Variants in KCNK2 observed in about 807,000 individuals in gnomAD.
KCNK2 encodes the protein potassium channel subfamily K member 2.
In KCNK2, 21 loss-of-function variants were observed where a neutral mutation model predicts 40.5. That is an observed-to-expected ratio of 0.52 (90% CI 0.37 to 0.75). KCNK2 has a LOEUF of 0.75. KCNK2 is among the 30% of genes least tolerant of loss of function. The pLI is 0.00. For synonymous variants in KCNK2, 191 were observed against 202.2 expected, an observed-to-expected ratio of 0.94 and a Z score of 0.47; for missense variants, 399 against 531.6, an observed-to-expected ratio of 0.75 and a Z score of 2.45.
chr1:215,060,106 G>A (rs74140900), intron 1 of KCNK2, among the ~76,000 whole-genome samples: 244 of 152,328 alleles, frequency 1.6e-3, no homozygotes, highest in African/African-American at 5.7e-3. Flanking sequence ...CTCAGGTACT[G>A]AGGTGAGAGC....
chr1:215,170,374 G>C (rs770610768), intron 4 of KCNK2, among the ~76,000 whole-genome samples: 2 of 152,110 alleles, frequency 1.3e-5, no homozygotes, highest in Non-Finnish European at 2.9e-5. Context: ...AGAATACTAT[G>C]ATGATAAACT....
chr1:215,037,605 AT>A (rs1368422158), intron 1 of KCNK2, among the ~76,000 whole-genome samples: 1 of 151,976 alleles, frequency 6.6e-6, no homozygotes, highest in East Asian at 1.9e-4. Context: ...TGTGTATATT[AT>A]TTCTTACTAA....
At chr1:215,173,474 G>T (rs1212284068) in intron 5 of KCNK2, among the ~76,000 whole-genome samples, 1 of 152,026 alleles carries the variant, frequency 6.6e-6, no homozygotes, top group Non-Finnish European at 1.5e-5. Context: ...TAATCCTTTG[G>T]GTATATACCC....
chr1:215,229,692 G>T (rs1168452933), intron 6 of KCNK2, among the ~76,000 whole-genome samples: 1 of 151,754 alleles, frequency 6.6e-6, no homozygotes, highest in Admixed American at 6.6e-5. Context: ...GAAAAAAAAA[G>T]ATTTTGTTTT....
intron 1 of KCNK2, among the ~76,000 whole-genome samples, chr1:215,041,393 G>A (rs1324423693): frequency 6.6e-6 from 1 of 152,142 alleles, no homozygotes; most frequent in Non-Finnish European, 1.5e-5. Flanking sequence ...GCTGGTGAGA[G>A]GAGCTCAAAA....
intron 1 of KCNK2, among the ~76,000 whole-genome samples, chr1:215,085,049 G>A (rs540782773): frequency 6.6e-6 from 1 of 152,334 alleles, no homozygotes; most frequent in African/African-American, 2.4e-5. Flanking sequence ...AGAGGGCAGG[G>A]TAGGTAGCCA....
intron 1 of KCNK2, among the ~76,000 whole-genome samples, chr1:215,015,047 A>G (rs1000265389): frequency 1.3e-5 from 2 of 152,186 alleles, no homozygotes; most frequent in African/African-American, 2.4e-5. Context: ...AGCATATCAT[A>G]ATGGTTATGA....
At chr1:215,207,488 A>T (rs994972857) in intron 6 of KCNK2, among the ~76,000 whole-genome samples, 1 of 152,170 alleles carries the variant, frequency 6.6e-6, no homozygotes, top group African/African-American at 2.4e-5. Flanking sequence ...TAAATGATTA[A>T]CTGTGACACT....
chr1:215,103,973 A>G (rs1660328217), intron 2 of KCNK2, among the ~76,000 whole-genome samples: 1 of 152,066 alleles, frequency 6.6e-6, no homozygotes, highest in Non-Finnish European at 1.5e-5. Context: ...CTAATCTTAT[A>G]TATAGGCCAA....
chr1:215,143,111 T>G (rs770577006), intron 3 of KCNK2, among the ~76,000 whole-genome samples: 9 of 152,206 alleles, frequency 5.9e-5, no homozygotes, highest in Non-Finnish European at 1.2e-4. Flanking sequence ...GCTTTCATAT[T>G]TCTTCTCTGC....
At chr1:215,078,020 G>T (rs1034911513), upstream of KCNK2, among the ~76,000 whole-genome samples, 3 of 152,106 alleles carry the variant, frequency 2.0e-5, no homozygotes, top group Non-Finnish European at 2.9e-5. Context: ...TCATTGCAAG[G>T]GTGTCCAGCC....
At chr1:215,024,911 C>T (rs560075964) in intron 1 of KCNK2, among the ~76,000 whole-genome samples, 3 of 147,854 alleles carry the variant, frequency 2.0e-5, no homozygotes, top group Non-Finnish European at 3.0e-5. Flanking sequence ...AAATATATGT[C>T]TATAAAACAT....
chr1:215,197,754 C>G (rs996820417), intron 6 of KCNK2, among the ~76,000 whole-genome samples: 10 of 152,142 alleles, frequency 6.6e-5, no homozygotes, highest in African/African-American at 2.4e-4. Flanking sequence ...AATCCCAGCA[C>G]TTTGGGAGGC....
chr1:215,011,295 G>C (rs1257592048), intron 1 of KCNK2, among the ~76,000 whole-genome samples: 1 of 152,024 alleles, frequency 6.6e-6, no homozygotes, highest in Admixed American at 6.6e-5. Context: ...TTTTGAGTCT[G>C]ATTTCTTTTT....
intron 1 of KCNK2, among the ~76,000 whole-genome samples, chr1:215,013,453 T>C (rs780089753): frequency 2.0e-5 from 3 of 152,208 alleles, no homozygotes; most frequent in Non-Finnish European, 2.9e-5. Context: ...TAGAATCAGC[T>C]TGACAGTATT....
intron 5 of KCNK2, among the ~76,000 whole-genome samples, 195 bp from the exon 6 acceptor site, chr1:215,194,758 T>C (rs1426226098): frequency 6.6e-6 from 1 of 152,102 alleles, no homozygotes; most frequent in East Asian, 1.9e-4. Flanking sequence ...AAAAACAACT[T>C]GTTCTTGAAA....
At chr1:215,021,247 G>T (rs182552188) in intron 1 of KCNK2, among the ~76,000 whole-genome samples, 9 of 152,214 alleles carry the variant, frequency 5.9e-5, no homozygotes, top group African/African-American at 2.2e-4. Flanking sequence ...TATATTTCAA[G>T]TTCCCTATTT....
At chr1:215,058,501 T>C (rs1186790971) in intron 1 of KCNK2, among the ~76,000 whole-genome samples, 1 of 152,202 alleles carries the variant, frequency 6.6e-6, no homozygotes, top group African/African-American at 2.4e-5. Flanking sequence ...GCTAAACTTA[T>C]CCACTACCTG....
chr1:215,008,109 C>G (rs1340059489), intron 1 of KCNK2, among the ~76,000 whole-genome samples: 1 of 150,610 alleles, frequency 6.6e-6, no homozygotes, highest in Admixed American at 6.6e-5. Context: ...TACAGAAGTC[C>G]TAAGTCTTTT....
Sources: gnomAD v4.1 joint callset for allele counts (sites outside exome capture counted in the v4.1 genomes callset) on GRCh38, gnomAD v4.1.1 for gene constraint, MANE v1.5 for transcripts, NCBI Gene and HGNC (gene_info 2026-07-23, HGNC 2026-07-21) for gene names.